FBXL17: variants seen among roughly 807,000 people sequenced by gnomAD.
FBXL17 encodes the protein F-box/LRR-repeat protein 17.
FBXL17 carries 22 observed loss-of-function variants against 66.2 expected under a neutral mutation model. That is an observed-to-expected ratio of 0.33 (90% CI 0.24 to 0.47). The LOEUF (loss-of-function observed/expected upper bound fraction) is 0.47, where lower values mean the gene tolerates loss of function less well. FBXL17 is among the 20% of genes least tolerant of loss of function. FBXL17 has a pLI of 1.00. For synonymous variants in FBXL17, 474 were observed against 400.5 expected (o/e 1.18, Z -2.19); for missense variants, 878 against 948.2 (o/e 0.93, Z 0.97).
At chr5:108,150,129 A>G (rs1751712978) in intron 6 of FBXL17, among the ~76,000 whole-genome samples, 2 of 152,166 alleles carry the variant, frequency 1.3e-5, no homozygotes, top group Admixed American at 1.3e-4. Flanking sequence ...ACATCATAAC[A>G]TGTTACCCCT....
At chr5:108,212,402 A>C (rs535666913) in intron 5 of FBXL17, among the ~76,000 whole-genome samples, 1 of 152,226 alleles carries the variant, frequency 6.6e-6, no homozygotes, top group Non-Finnish European at 1.5e-5. Flanking sequence ...CCTTTGGAGG[A>C]GAAGAGGCTT....
intron 5 of FBXL17, among the ~76,000 whole-genome samples, chr5:108,192,544 A>C (rs774182451): frequency 6.6e-5 from 10 of 152,214 alleles, no homozygotes; most frequent in Admixed American, 1.3e-4. Flanking sequence ...CCTAGGAAAC[A>C]TAAGCTTGGT....
intron 4 of FBXL17, among the ~76,000 whole-genome samples, chr5:108,267,626 G>A (rs1253219896): frequency 1.3e-5 from 2 of 151,950 alleles, no homozygotes; most frequent in East Asian, 3.9e-4. Flanking sequence ...CTATTCTGGG[G>A]CAGGCACTAT....
At chr5:107,924,567 A>C (rs887634851) in intron 7 of FBXL17, among the ~76,000 whole-genome samples, 6 of 152,192 alleles carry the variant, frequency 3.9e-5, no homozygotes, top group African/African-American at 7.2e-5. Flanking sequence ...AAAGAAGACA[A>C]GGTTTGGCTT....
intron 5 of FBXL17, among the ~76,000 whole-genome samples, chr5:108,204,268 T>C (rs944030433): frequency 6.6e-6 from 1 of 152,210 alleles, no homozygotes; most frequent in South Asian, 2.1e-4. Context: ...TGGCTCACAG[T>C]AGCCTCAAAT....
chr5:108,231,019 C>G (rs1020838112), intron 4 of FBXL17, among the ~76,000 whole-genome samples: 1 of 152,000 alleles, frequency 6.6e-6, no homozygotes, highest in Non-Finnish European at 1.5e-5. Context: ...TAGAAAAATC[C>G]TAGGGTGATT....
chr5:108,116,147 AAAGTT>A (rs1291513681), intron 6 of FBXL17, among the ~76,000 whole-genome samples: 3 of 152,178 alleles, frequency 2.0e-5, no homozygotes, highest in Non-Finnish European at 2.9e-5. Flanking sequence ...GAAAAACACT[AAAGTT>A]AAGAAAGCAT....
intron 6 of FBXL17, among the ~76,000 whole-genome samples, chr5:108,103,977 G>T (rs1413600255): frequency 6.6e-6 from 1 of 152,072 alleles, no homozygotes; most frequent in East Asian, 1.9e-4. Context: ...TATGCCTTAT[G>T]CTGGGTCTTC....
chr5:108,150,138 C>T (rs1751713519), intron 6 of FBXL17, among the ~76,000 whole-genome samples: 1 of 152,152 alleles, frequency 6.6e-6, no homozygotes, highest in Admixed American at 6.5e-5. Flanking sequence ...CATGTTACCC[C>T]TAAGTATTCA....
chr5:108,341,034 G>A (rs1435867111), intron 4 of FBXL17, among the ~76,000 whole-genome samples: 2 of 152,056 alleles, frequency 1.3e-5, no homozygotes, highest in African/African-American at 2.4e-5. Context: ...TTGAAGATGA[G>A]CACAAGAGAT....
At chr5:108,030,957 C>T (rs1580350322) in intron 6 of FBXL17, among the ~76,000 whole-genome samples, 1 of 152,056 alleles carries the variant, frequency 6.6e-6, no homozygotes, top group East Asian at 1.9e-4. Context: ...TTTTGGAGAT[C>T]TTTTATTGAA....
chr5:108,268,769 C>G (rs1295387856), intron 4 of FBXL17, among the ~76,000 whole-genome samples: 1 of 152,020 alleles, frequency 6.6e-6, no homozygotes, highest in South Asian at 2.1e-4. Flanking sequence ...TATGAATTAC[C>G]TTGGAATGTA....
intron 7 of FBXL17, among the ~76,000 whole-genome samples, chr5:108,008,224 A>C (rs1033517024): frequency 6.6e-6 from 1 of 152,208 alleles, no homozygotes; most frequent in African/African-American, 2.4e-5. Context: ...CTAGCGCTTA[A>C]AATTTTGTCA....
chr5:108,141,332 C>A (rs1295483503), intron 6 of FBXL17, among the ~76,000 whole-genome samples: 1 of 152,074 alleles, frequency 6.6e-6, no homozygotes, highest in South Asian at 2.1e-4. Context: ...ACACACAGAC[C>A]CAGAAGTTTC....
At chr5:108,297,727 C>T (rs1561513794) in intron 4 of FBXL17, 1 of 542,586 alleles carries the variant, frequency 1.8e-6, no homozygotes, top group South Asian at 8.1e-5. Context: ...CATTAAGCAA[C>T]TCAGAAATAA....
Position 108,108,986 on chromosome 5 carries a change from T to G in FBXL17, c.1745+77131A>C, listed in dbSNP as rs569059153. Reference sequence around the variant, plus strand: ...TTTAGTACAGATGGGGTTCTCCATGTTGGTCAGGCTGGTCTCGAACTCCTG... The same window carrying G: ...TTTAGTACAGATGGGGTTCTCCATGGTGGTCAGGCTGGTCTCGAACTCCTG... On this transcript the variant is annotated intron_variant, in intron 6 of 8. Transcript: ENST00000542267. Among the ~76,000 whole-genome samples the G allele has an allele frequency of 1.7e-3, 258 of 152,202 alleles. 2 individuals are homozygous for G. The highest frequency in any genetic ancestry group is 3.4e-3 in the Middle Eastern group (1 of 294).
At chr5:108,082,835 A>T (rs1748821400) in intron 6 of FBXL17, among the ~76,000 whole-genome samples, 1 of 152,232 alleles carries the variant, frequency 6.6e-6, no homozygotes, top group Non-Finnish European at 1.5e-5. Context: ...AAAGAGATAT[A>T]AAAAGATTGT....
chr5:108,306,914 T>G (rs765109327), intron 4 of FBXL17, among the ~76,000 whole-genome samples: 1 of 152,150 alleles, frequency 6.6e-6, no homozygotes, highest in African/African-American at 2.4e-5. Flanking sequence ...TACTATTAAA[T>G]GTACTAATTT....
At chr5:108,137,486 G>A (rs1751183069) in intron 6 of FBXL17, among the ~76,000 whole-genome samples, 1 of 151,914 alleles carries the variant, frequency 6.6e-6, no homozygotes, top group South Asian at 2.1e-4. Context: ...TTTGAATGTT[G>A]GCATGATCAC....
Sources: gnomAD v4.1 joint callset for allele counts (sites outside exome capture counted in the v4.1 genomes callset) on GRCh38, gnomAD v4.1.1 for gene constraint, MANE v1.5 for transcripts, NCBI Gene and HGNC (gene_info 2026-07-23, HGNC 2026-07-21) for gene names.